The following RBPJ variants were observed in gnomAD, a reference collection of about 807,000 sequenced individuals.
The protein encoded by RBPJ is recombination signal binding protein for immunoglobulin kappa J region.
RBPJ carries 9 observed loss-of-function variants against 67.8 expected under a neutral mutation model. The ratio of observed to expected loss-of-function variants is 0.13; its 90% CI spans 0.08 to 0.23. The LOEUF is 0.23. Ranked by LOEUF, RBPJ falls within the 10% of genes least tolerant of loss-of-function variation. The pLI is 1.00. For missense variants in RBPJ, 305 were observed against 595.6 expected, an observed-to-expected ratio of 0.51 and a Z score of 5.08; for synonymous variants, 198 against 203.3, an observed-to-expected ratio of 0.97 and a Z score of 0.22.
the RBPJ span, among the ~76,000 whole-genome samples, chr4:26,135,000 G>T: frequency 6.6e-6 from 1 of 152,108 alleles, no homozygotes; most frequent in Non-Finnish European, 1.5e-5. Flanking sequence ...TGCAGCTCGG[G>T]GGCTCACCTT....
intron 1 of RBPJ, among the ~76,000 whole-genome samples, chr4:26,218,353 G>T (rs547083716): frequency 6.6e-6 from 1 of 152,122 alleles, no homozygotes; most frequent in Admixed American, 6.6e-5. Flanking sequence ...TTCCAGAACC[G>T]TGGCCGCCTG....
In RBPJ at chr4:26,277,274, C is replaced by CAAAAAAAAAAAA. The variant is rs754017128; in HGVS notation, c.-166-85168_-166-85157dup. Among the ~76,000 whole-genome samples the CAAAAAAAAAAAA allele has an allele frequency of 2.2e-3, 247 of 113,390 alleles. 4 individuals carry two copies. The highest frequency in any genetic ancestry group is 7.0e-3 in the African/African-American group (226 of 32,292). The allele number at this position is 113,390 out of a possible 152,430, so 74.4% of individuals were successfully genotyped here. On this transcript the variant is annotated intron_variant, in intron 1 of 4. Transcript: ENST00000512351. ...GCGACAGAGCAAGACCCTGTTTGTTCAAAAAAAAAAAAAAAGTCAAAAGTC... is the reference window on the plus strand; with the variant it reads ...GCGACAGAGCAAGACCCTGTTTGTTCAAAAAAAAAAAAAAAAAAAAAAAAAAAGTCAAAAGTC...
chr4:26,294,666 G>A (rs542204930), intron 1 of RBPJ, among the ~76,000 whole-genome samples: 4 of 152,086 alleles, frequency 2.6e-5, no homozygotes, highest in African/African-American at 9.6e-5. Flanking sequence ...AATCACTTGA[G>A]GCCAGGAGTT....
At chr4:26,413,509 G>T (rs1441966369) in intron 3 of RBPJ, among the ~76,000 whole-genome samples, 1 of 151,982 alleles carries the variant, frequency 6.6e-6, no homozygotes, top group Non-Finnish European at 1.5e-5. Flanking sequence ...TATTTTTACT[G>T]CTATATCCCC....
intron 1 of RBPJ, chr4:26,321,959 C>T (rs1343353144): frequency 6.6e-6 from 1 of 152,202 alleles, no homozygotes; most frequent in Admixed American, 6.5e-5. Flanking sequence ...TGTACCCTCC[C>T]GCCCCCCTAT....
chr4:26,361,879 G>A (rs557132773), intron 1 of RBPJ, among the ~76,000 whole-genome samples: 25 of 152,330 alleles, frequency 1.6e-4, no homozygotes, highest in African/African-American at 6.0e-4. Flanking sequence ...TACCTGCCAA[G>A]TCAATCAGAG....
the RBPJ span, among the ~76,000 whole-genome samples, chr4:26,118,753 A>T: frequency 6.6e-6 from 1 of 152,166 alleles, no homozygotes; most frequent in East Asian, 1.9e-4. Context: ...TAAGCTCACA[A>T]TTTTTCTCAT....
chr4:26,190,093 A>G (rs1339730086), intron 1 of RBPJ, among the ~76,000 whole-genome samples: 1 of 152,266 alleles, frequency 6.6e-6, no homozygotes, highest in Non-Finnish European at 1.5e-5. Flanking sequence ...TCACTGTTCC[A>G]ATACCTGAAT....
At chr4:26,133,802 A>G in the RBPJ span, among the ~76,000 whole-genome samples, 2 of 150,934 alleles carry the variant, frequency 1.3e-5, no homozygotes, top group Non-Finnish European at 3.0e-5. Context: ...AAGGTGGAGG[A>G]CCGCTGATCT....
At chr4:26,366,277 T>TTTTTTTTTG (rs1728617761) in intron 1 of RBPJ, among the ~76,000 whole-genome samples, 1 of 152,024 alleles carries the variant, frequency 6.6e-6, no homozygotes, top group Admixed American at 6.6e-5. Context: ...CAGTAGTTTT[T>TTTTTTTTTG]TTTTGTTTTG....
the RBPJ span, among the ~76,000 whole-genome samples, chr4:26,136,773 C>T: frequency 6.6e-6 from 1 of 152,132 alleles, no homozygotes; most frequent in Non-Finnish European, 1.5e-5. Context: ...TGAATCTATT[C>T]ACTGAGCACT....
At chr4:26,251,758 G>A (rs1190111991) in intron 1 of RBPJ, among the ~76,000 whole-genome samples, 2 of 145,734 alleles carry the variant, frequency 1.4e-5, no homozygotes, top group Non-Finnish European at 3.0e-5. Flanking sequence ...TGAGGCAGGA[G>A]AATTGCTTGA....
rs575376085 is a variant in RBPJ, at chr4:26,242,662, A to G, written c.-167+79048A>G. ...ACCTTAGCACAAAGTAATAGAATGC[A>G]TTAGTCATCATGGAATTTTTCACCA... is the stretch of plus-strand genomic sequence containing the variant. On this transcript the variant is annotated intron_variant, in intron 1 of 4. Transcript: ENST00000512351. 1.2e-4 allele frequency among the ~76,000 whole-genome samples: 17 copies of G among 146,504 alleles called. No individual in the cohort carries two copies. The South Asian group carries it at 3.3e-3, about 29-fold the overall frequency.
At chr4:26,257,959 C>T (rs1468155277) in intron 1 of RBPJ, among the ~76,000 whole-genome samples, 1 of 152,182 alleles carries the variant, frequency 6.6e-6, no homozygotes, top group Non-Finnish European at 1.5e-5. Context: ...TGTGTTTCTG[C>T]ACATGGTGGC....
intron 1 of RBPJ, among the ~76,000 whole-genome samples, chr4:26,351,484 A>G (rs1726798414): frequency 6.6e-6 from 1 of 152,132 alleles, no homozygotes; most frequent in South Asian, 2.1e-4. Flanking sequence ...AGGCTCAGGC[A>G]ATCCTCCCAC....
At chr4:26,359,480 G>A (rs904289838) in intron 1 of RBPJ, among the ~76,000 whole-genome samples, 1 of 137,742 alleles carries the variant, frequency 7.3e-6, no homozygotes, top group African/African-American at 2.7e-5. Flanking sequence ...TGTCCAGTAT[G>A]TCCGACCCTC....
chr4:26,214,555 AAAG>A (rs1718566413), intron 1 of RBPJ, among the ~76,000 whole-genome samples: 2 of 122,226 alleles, frequency 1.6e-5, no homozygotes, highest in South Asian at 3.1e-4. Context: ...GAGGGAGGGA[AAAG>A]AGAGAGAAAA....
chr4:26,403,559 C>G (rs764768933), intron 2 of RBPJ, among the ~76,000 whole-genome samples: 15 of 152,266 alleles, frequency 9.9e-5, no homozygotes, highest in African/African-American at 3.6e-4. Flanking sequence ...AAGTAGACTT[C>G]AGTGTCTGTC....
At chr4:26,275,439 C>A (rs913333834) in intron 1 of RBPJ, among the ~76,000 whole-genome samples, 3 of 152,072 alleles carry the variant, frequency 2.0e-5, no homozygotes, top group Non-Finnish European at 4.4e-5. Context: ...TCCCAACAGG[C>A]CAGTGGGGCA....
Sources: gnomAD v4.1 joint callset for allele counts (sites outside exome capture counted in the v4.1 genomes callset) on GRCh38, gnomAD v4.1.1 for gene constraint, MANE v1.5 for transcripts, NCBI Gene and HGNC (gene_info 2026-07-23, HGNC 2026-07-21) for gene names.